KCNIP4: variants seen among roughly 807,000 people sequenced by gnomAD.
KCNIP4 encodes the protein potassium voltage-gated channel interacting protein 4.
Under a neutral mutation model 34.0 loss-of-function variants are expected in KCNIP4, and 12 were observed. The observed-to-expected ratio is 0.35, with a 90% CI of 0.23 to 0.57. The LOEUF (loss-of-function observed/expected upper bound fraction) is 0.57, where lower values mean the gene tolerates loss of function less well. Ranked by LOEUF, KCNIP4 falls within the 20% of genes least tolerant of loss-of-function variation. KCNIP4 has a pLI of 0.83. For synonymous variants in KCNIP4, 124 were observed against 102.2 expected (o/e 1.21, Z -1.29); for missense variants, 238 against 311.7 (o/e 0.76, Z 1.78).
At chr4:20,755,677 GT>G (rs1754351747) in intron 4 of KCNIP4, among the ~76,000 whole-genome samples, 1 of 152,196 alleles carries the variant, frequency 6.6e-6, no homozygotes. Flanking sequence ...GATGGGGAAT[GT>G]TTAAGGTGTT....
chr4:21,751,431 T>G (rs998097013), intron 1 of KCNIP4, among the ~76,000 whole-genome samples: 3 of 152,158 alleles, frequency 2.0e-5, no homozygotes, highest in Non-Finnish European at 4.4e-5. Flanking sequence ...CATTTGGACA[T>G]GTATATTCAA....
At chr4:21,303,877 T>G in intron 1 of KCNIP4, 1 of 1,614,086 alleles carries the variant, frequency 6.2e-7, no homozygotes, top group South Asian at 1.1e-5. Flanking sequence ...CGATCAGAAC[T>G]GCTATCATTT....
chr4:20,891,350 T>TAC (rs1725893453), intron 1 of KCNIP4, among the ~76,000 whole-genome samples: 1 of 152,150 alleles, frequency 6.6e-6, no homozygotes, highest in African/African-American at 2.4e-5. Context: ...CTCATGCCTG[T>TAC]AATCCTAGCA....
intron 1 of KCNIP4, among the ~76,000 whole-genome samples, chr4:21,483,264 C>T (rs13121386): frequency 0.12 from 18,848 of 151,522 alleles, 1,340 homozygotes; most frequent in South Asian, 0.21. Context: ...AAAGGTTGAA[C>T]TTGATGACAT....
intron 3 of KCNIP4, among the ~76,000 whole-genome samples, chr4:20,765,732 C>A (rs1019838005): frequency 6.6e-6 from 1 of 152,136 alleles, no homozygotes; most frequent in Non-Finnish European, 1.5e-5. Flanking sequence ...GCCTGTGAAA[C>A]CCTTCACTGT....
chr4:21,249,501 C>A (rs1760533433), intron 1 of KCNIP4, among the ~76,000 whole-genome samples: 1 of 151,892 alleles, frequency 6.6e-6, no homozygotes, highest in Non-Finnish European at 1.5e-5. Context: ...TTTTGGCAAG[C>A]AATAACCATG....
At chr4:21,400,503 C>T (rs1329597510) in intron 1 of KCNIP4, among the ~76,000 whole-genome samples, 2,330 of 142,916 alleles carry the variant, frequency 0.016, 155 homozygotes, top group East Asian at 0.057. Flanking sequence ...CCCTCCCTTC[C>T]CCTCCCTTCC....
intron 1 of KCNIP4, among the ~76,000 whole-genome samples, chr4:21,548,450 G>C (rs1326123521): frequency 6.6e-6 from 1 of 152,046 alleles, no homozygotes. Context: ...GGTTGGGAAA[G>C]TTGGCCACAA....
At chr4:21,912,092 G>A (rs1167192125) in intron 1 of KCNIP4, among the ~76,000 whole-genome samples, 1 of 151,964 alleles carries the variant, frequency 6.6e-6, no homozygotes, top group Non-Finnish European at 1.5e-5. Context: ...AACTCACCGA[G>A]AGCATCCCTG....
intron 3 of KCNIP4, among the ~76,000 whole-genome samples, chr4:20,818,720 A>G (rs896757975): frequency 1.3e-5 from 2 of 152,154 alleles, no homozygotes; most frequent in Non-Finnish European, 2.9e-5. Context: ...CCATTGGGAA[A>G]TTAAACCTAA....
At chr4:21,099,385 TCTCA>T (rs1383905850) in intron 1 of KCNIP4, among the ~76,000 whole-genome samples, 2 of 152,162 alleles carry the variant, frequency 1.3e-5, no homozygotes, top group Non-Finnish European at 2.9e-5. Context: ...CACCGCATGT[TCTCA>T]CTTTTATGTG....
intron 1 of KCNIP4, chr4:21,851,735 A>G (rs575904544): frequency 6.6e-6 from 1 of 152,152 alleles, no homozygotes; most frequent in Non-Finnish European, 1.5e-5. Context: ...GAAAAGCTAT[A>G]TATACCACGT....
At chr4:21,323,057 T>G (rs942517285) in intron 1 of KCNIP4, among the ~76,000 whole-genome samples, 18 of 151,414 alleles carry the variant, frequency 1.2e-4, no homozygotes, top group African/African-American at 4.4e-4. Flanking sequence ...GGTGATGAAT[T>G]GATGAAGTGT....
chr4:21,355,208 T>A (rs1485384534), intron 1 of KCNIP4, among the ~76,000 whole-genome samples: 1 of 152,114 alleles, frequency 6.6e-6, no homozygotes, highest in Admixed American at 6.5e-5. Flanking sequence ...AGGAAAGGTC[T>A]AAAATTGACA....
At chr4:21,857,465 G>A (rs1724830217) in intron 1 of KCNIP4, among the ~76,000 whole-genome samples, 1 of 151,938 alleles carries the variant, frequency 6.6e-6, no homozygotes, top group Non-Finnish European at 1.5e-5. Context: ...AGAAGATGAT[G>A]GAATGACCAG....
chr4:21,560,930 C>A (rs929499971), intron 1 of KCNIP4, among the ~76,000 whole-genome samples: 2 of 151,980 alleles, frequency 1.3e-5, no homozygotes, highest in Non-Finnish European at 2.9e-5. Flanking sequence ...TTGTTGATAG[C>A]AAGTAGATTG....
intron 1 of KCNIP4, among the ~76,000 whole-genome samples, chr4:20,955,474 T>A (rs955710462): frequency 1.3e-5 from 2 of 152,192 alleles, no homozygotes; most frequent in East Asian, 3.9e-4. Context: ...GGTTCCCTCA[T>A]GCCCTCTGAG....
intron 1 of KCNIP4, among the ~76,000 whole-genome samples, chr4:21,926,127 T>A (rs1173182853): frequency 6.6e-6 from 1 of 152,236 alleles, no homozygotes; most frequent in Non-Finnish European, 1.5e-5. Flanking sequence ...TTCACTGAGC[T>A]ATATACAGCC....
At chr4:21,630,788 A>T (rs548385810) in intron 1 of KCNIP4, among the ~76,000 whole-genome samples, 112 of 152,304 alleles carry the variant, frequency 7.4e-4, no homozygotes, top group African/African-American at 2.7e-3. Context: ...TAGCCTCTAG[A>T]CGCCCGCAAG....
Sources: allele counts gnomAD v4.1 joint callset (sites outside exome capture counted in the v4.1 genomes callset), GRCh38; gene constraint gnomAD v4.1.1; transcripts MANE v1.5; gene names NCBI Gene and HGNC (gene_info 2026-07-23, HGNC 2026-07-21).